XKR4: variants seen among roughly 807,000 people sequenced by gnomAD.
XKR4 encodes XK related 4, also known as XK-related protein 4.
XKR4 carries 12 observed loss-of-function variants against 53.9 expected under a neutral mutation model. The observed-to-expected ratio is 0.22, with a 90% CI of 0.14 to 0.36. The LOEUF (loss-of-function observed/expected upper bound fraction) is 0.36, where lower values mean the gene tolerates loss of function less well. Ranked by LOEUF, XKR4 falls within the 10% of genes least tolerant of loss-of-function variation. XKR4 has a pLI of 1.00. For missense variants in XKR4, 799 were observed against 859.5 expected (o/e 0.93, Z 0.88); for synonymous variants, 354 against 362.4 (o/e 0.98, Z 0.26).
At chr8:55,356,372 C>T (rs1263770274) in intron 1 of XKR4, among the ~76,000 whole-genome samples, 1 of 152,094 alleles carries the variant, frequency 6.6e-6, no homozygotes, top group Non-Finnish European at 1.5e-5. Context: ...GATATGTTAA[C>T]CACACCATGC....
chr8:55,431,073 T>C (rs1456728934), intron 2 of XKR4, among the ~76,000 whole-genome samples: 1 of 152,202 alleles, frequency 6.6e-6, no homozygotes, highest in Non-Finnish European at 1.5e-5. Flanking sequence ...CTCACAATTA[T>C]CTCAAAATGA....
intron 2 of XKR4, among the ~76,000 whole-genome samples, chr8:55,448,939 A>G (rs903478078): frequency 1.1e-4 from 17 of 152,196 alleles, no homozygotes; most frequent in Admixed American, 2.0e-4. Flanking sequence ...TAGCTCTGTG[A>G]TTGAGGCCTT....
At chr8:55,103,556 A>G (rs377234351) in intron 1 of XKR4, among the ~76,000 whole-genome samples, 1 of 152,028 alleles carries the variant, frequency 6.6e-6, no homozygotes, top group East Asian at 1.9e-4. Flanking sequence ...ACTCTGCCTT[A>G]CTGGCTTCTT....
At chr8:55,411,520 T>C (rs745538187) in intron 2 of XKR4, among the ~76,000 whole-genome samples, 1 of 152,196 alleles carries the variant, frequency 6.6e-6, no homozygotes, top group Non-Finnish European at 1.5e-5. Flanking sequence ...ACGCAGAGAA[T>C]CTAAGAATGA....
intron 1 of XKR4, among the ~76,000 whole-genome samples, chr8:55,240,706 T>C (rs147044340): frequency 1.9e-3 from 290 of 152,294 alleles, no homozygotes; most frequent in African/African-American, 6.7e-3. Context: ...TGGAAGTCCA[T>C]TGCTAAAAAA....
At chr8:55,276,208 C>T (rs967261400) in intron 1 of XKR4, among the ~76,000 whole-genome samples, 2 of 152,174 alleles carry the variant, frequency 1.3e-5, no homozygotes, top group African/African-American at 4.8e-5. Flanking sequence ...GTATTTAACA[C>T]AACACCCTCG....
intron 1 of XKR4, among the ~76,000 whole-genome samples, chr8:55,146,593 G>A (rs1428782132): frequency 6.6e-6 from 1 of 152,206 alleles, no homozygotes; most frequent in Non-Finnish European, 1.5e-5. Context: ...TCACTTAAAT[G>A]TAAATAGTCA....
chr8:55,192,488 G>A (rs945901000), intron 1 of XKR4, among the ~76,000 whole-genome samples: 4 of 152,170 alleles, frequency 2.6e-5, no homozygotes, highest in African/African-American at 7.2e-5. Flanking sequence ...GAAAAATAAA[G>A]CCTAATGGCT....
intron 1 of XKR4, among the ~76,000 whole-genome samples, chr8:55,278,769 T>C (rs182152939): frequency 1.3e-5 from 2 of 152,292 alleles, no homozygotes; most frequent in Admixed American, 6.5e-5. Flanking sequence ...AAATCATATG[T>C]AAAAATTGGC....
chr8:55,459,233 AT>A lies in XKR4; in HGVS notation c.1007-64047del, dbSNP rs527702066. Among the ~76,000 whole-genome samples, 663 of 152,320 alleles carry A rather than the reference AT, an allele frequency of 4.4e-3. 4 individuals are homozygous for A. Among genetic ancestry groups the A allele is most frequent in the Non-Finnish European group, 7.2e-3 (490 of 68,024 alleles). ...CAATTAAATATTCATGAGAAAAAAA[AT>A]GATCATAAACCCTTGGCTTATATTA... On this transcript the variant is annotated intron_variant, in intron 2 of 2. Transcript: ENST00000327381.
intron 2 of XKR4, among the ~76,000 whole-genome samples, chr8:55,520,385 A>T (rs1364044956): frequency 6.6e-6 from 1 of 152,240 alleles, no homozygotes; most frequent in Non-Finnish European, 1.5e-5. Flanking sequence ...AAGGAGTTCG[A>T]GACCAGCCTG....
chr8:55,516,373 T>C (rs145518847), intron 2 of XKR4, among the ~76,000 whole-genome samples: 2 of 152,304 alleles, frequency 1.3e-5, no homozygotes, highest in Non-Finnish European at 2.9e-5. Flanking sequence ...ATATGTGTAA[T>C]GAATGGTCAT....
At chr8:55,366,129 G>A (rs1447597137) in intron 2 of XKR4, among the ~76,000 whole-genome samples, 2 of 152,200 alleles carry the variant, frequency 1.3e-5, no homozygotes, top group African/African-American at 2.4e-5. Flanking sequence ...GATATGCAGA[G>A]GAAACCAGAA....
chr8:55,383,251 G>C (rs1323829590), intron 2 of XKR4, among the ~76,000 whole-genome samples: 1 of 152,170 alleles, frequency 6.6e-6, no homozygotes, highest in East Asian at 1.9e-4. Flanking sequence ...AAATAAAAGA[G>C]ACTGAAAGCA....
At chr8:55,104,014 G>A (rs1482494172) in intron 1 of XKR4, among the ~76,000 whole-genome samples, 3 of 151,666 alleles carry the variant, frequency 2.0e-5, no homozygotes, top group African/African-American at 7.3e-5. Context: ...TTTGGAAAAG[G>A]GGTGGGGCAC....
At chr8:55,503,412 T>C (rs1380601726) in intron 2 of XKR4, among the ~76,000 whole-genome samples, 1 of 152,140 alleles carries the variant, frequency 6.6e-6, no homozygotes, top group Non-Finnish European at 1.5e-5. Context: ...CTTTGGTTAA[T>C]TTATAAGTAT....
chr8:55,454,096 G>A (rs1805510878), intron 2 of XKR4: 2 of 823,362 alleles, frequency 2.4e-6, no homozygotes, highest in South Asian at 1.3e-5. Context: ...TCAAGGAGGA[G>A]GGGGACGTCA....
intron 2 of XKR4, among the ~76,000 whole-genome samples, chr8:55,438,996 CG>C (rs1014456496): frequency 3.9e-5 from 6 of 151,996 alleles, no homozygotes; most frequent in African/African-American, 1.4e-4. Flanking sequence ...AAAACTAGGA[CG>C]GGGGTGAGGG....
At chr8:55,348,809 G>T (rs1201413340) in intron 1 of XKR4, among the ~76,000 whole-genome samples, 1 of 152,004 alleles carries the variant, frequency 6.6e-6, no homozygotes, top group Non-Finnish European at 1.5e-5. Context: ...CAGACAAGTA[G>T]ATAGAGATGT....
Sources: gnomAD v4.1 joint callset for allele counts (sites outside exome capture counted in the v4.1 genomes callset) on GRCh38, gnomAD v4.1.1 for gene constraint, MANE v1.5 for transcripts, NCBI Gene and HGNC (gene_info 2026-07-23, HGNC 2026-07-21) for gene names.